The following COL9A1 variants were observed in gnomAD, a reference collection of about 807,000 sequenced individuals.
COL9A1 encodes the protein collagen alpha-1(IX) chain.
In COL9A1, 104 loss-of-function variants were observed where a neutral mutation model predicts 142.6. The ratio of observed to expected loss-of-function variants is 0.73; its 90% CI spans 0.62 to 0.86. COL9A1 has a LOEUF of 0.86. COL9A1 is among the 40% of genes least tolerant of loss of function. The pLI, the probability that COL9A1 is intolerant of heterozygous loss-of-function variation, is 0.00. For missense variants in COL9A1, 1,210 were observed against 1,176.6 expected, an observed-to-expected ratio of 1.03 and a Z score of -0.42; for synonymous variants, 466 against 396.0, an observed-to-expected ratio of 1.18 and a Z score of -2.10.
chr6:70,296,252 A>G lies in COL9A1; in HGVS notation c.300-1689T>C, dbSNP rs1773846030. ...TTTCATCATAGAAGTATTTTTTTTA[A>G]CCATTACTTTGTAATATGACTGGTT... is the stretch of plus-strand genomic sequence containing the variant. On this transcript the variant is annotated intron_variant, in intron 4 of 37. Coordinates refer to ENST00000357250, the MANE Select transcript of COL9A1 (RefSeq NM_001851.6). 2.0e-5 allele frequency among the ~76,000 whole-genome samples: 3 copies of G among 152,230 alleles called. No individual in the cohort carries two copies. In the South Asian group the frequency reaches 6.2e-4, roughly 32 times the overall value.
Position 70,232,686 on chromosome 6 carries a change from G to C in COL9A1, c.2400C>G (p.Pro800=). 1.2e-6 allele frequency: 2 copies of C among 1,614,030 alleles called. No homozygotes were observed. The highest frequency in any genetic ancestry group is 2.2e-5 in the East Asian group (1 of 44,884). The change falls in exon 36 of 38, where the codon CCC becomes CCG. Residue 800 remains proline, a synonymous_variant. Coordinates refer to ENST00000357250, the MANE Select transcript of COL9A1 (RefSeq NM_001851.6). The part of the protein sequence containing the change: ...GLPGRPGPPG[P]PGPPGENGFP... Reference sequence around the variant, plus strand: ...AACCATTCTCTCCAGGAGGGCCGGGGGGACCAGGAGGGCCAGGCCTTCCAG... The same window carrying C: ...AACCATTCTCTCCAGGAGGGCCGGGCGGACCAGGAGGGCCAGGCCTTCCAG...
chr6:70,215,527 G>A (rs952402462), downstream of COL9A1: 1 of 152,188 alleles, frequency 6.6e-6, no homozygotes, highest in Non-Finnish European at 1.5e-5. Flanking sequence ...GATATAAAAT[G>A]AATATATTAA....
rs1768535136 is a variant in COL9A1 at position 70,216,832 on chromosome 6, T to C, written c.*65A>G. On this transcript the variant is annotated 3_prime_UTR_variant, in exon 38 of 38. Transcript: ENST00000357250. Reference sequence around the variant, plus strand: ...TCATCTTTGCCCCAGCTTTGGATGGTGTTTCTCACCCAGGCTCCTTCACCA... The same window carrying C: ...TCATCTTTGCCCCAGCTTTGGATGGCGTTTCTCACCCAGGCTCCTTCACCA... The C allele has an allele frequency of 2.2e-5, 34 of 1,555,028 alleles. No individual in the cohort carries two copies. The highest frequency in any genetic ancestry group is 2.9e-5 in the Non-Finnish European group (33 of 1,129,204).
intron 5 of COL9A1, among the ~76,000 whole-genome samples, chr6:70,286,088 C>T (rs990922457): frequency 2.6e-5 from 4 of 152,112 alleles, no homozygotes; most frequent in Non-Finnish European, 5.9e-5. Flanking sequence ...GGGATTTCAC[C>T]ATGTTGGCCA....
At chr6:70,266,843 T>C in intron 17 of COL9A1, 73 bp from the exon 18 acceptor site, 1 of 1,239,380 alleles carries the variant, frequency 8.1e-7, no homozygotes, top group Non-Finnish European at 1.2e-6. Flanking sequence ...AAAGTGATCC[T>C]GCTTCCCTAA....
chr6:70,287,200 C>A (rs1002380932), intron 5 of COL9A1, among the ~76,000 whole-genome samples: 1 of 152,064 alleles, frequency 6.6e-6, no homozygotes, highest in Non-Finnish European at 1.5e-5. Context: ...GGGGTTACAA[C>A]AACAAGTCCC....
In COL9A1 at chr6:70,254,345, G is replaced by A. The variant is rs184712115; in HGVS notation, c.1719+131C>T. On this transcript the variant is annotated intron_variant, in intron 25 of 37. Coordinates refer to ENST00000357250, the MANE Select transcript of COL9A1 (RefSeq NM_001851.6). ...AAAATATAAAATACAAATGTAAATTGTAAAAATGTAAAAGTAAAACATCAT... is the reference window on the plus strand; with the variant it reads ...AAAATATAAAATACAAATGTAAATTATAAAAATGTAAAAGTAAAACATCAT... 1.3e-4 allele frequency: 99 copies of A among 745,340 alleles called. No individual in the cohort carries two copies. In the Admixed American group the frequency reaches 1.7e-3, roughly 13 times the overall value. 46.2% of individuals were successfully genotyped at this position (745,340 alleles called of 1,614,324 possible). A position where few individuals can be genotyped will look rare whatever the true frequency, so the allele number is the denominator to read the frequency against.
At chr6:70,298,515 T>C (rs1416237790) in intron 4 of COL9A1, among the ~76,000 whole-genome samples, 1 of 152,214 alleles carries the variant, frequency 6.6e-6, no homozygotes, top group African/African-American at 2.4e-5. Context: ...CAAGATTTTT[T>C]AGTCCTTATG....
At chr6:70,272,531 A>G (rs1772475177) in intron 12 of COL9A1, among the ~76,000 whole-genome samples, 1 of 152,164 alleles carries the variant, frequency 6.6e-6, no homozygotes, top group Non-Finnish European at 1.5e-5. Context: ...AACATTCAGC[A>G]CAGAGAGGCA....
chr6:70,251,406 G>T (rs568004616), intron 28 of COL9A1, among the ~76,000 whole-genome samples: 4 of 152,202 alleles, frequency 2.6e-5, no homozygotes, highest in South Asian at 2.1e-4. Context: ...AGTTAGCCAG[G>T]TGTGGTGATG....
intron 10 of COL9A1, chr6:70,279,962 AC>A (rs1447855671): frequency 1.5e-6 from 1 of 680,748 alleles, no homozygotes; most frequent in Admixed American, 2.0e-5. Context: ...CTAAGAACAG[AC>A]GCCATTTCTT....
intron 19 of COL9A1, among the ~76,000 whole-genome samples, chr6:70,262,936 A>G (rs1395640720): frequency 6.6e-6 from 1 of 152,244 alleles, no homozygotes; most frequent in African/African-American, 2.4e-5. Context: ...GATAGAACAT[A>G]AAAGATGAGT....
chr6:70,263,123 A>G, intron 19 of COL9A1, 121 bp downstream of exon 19: 1 of 734,294 alleles, frequency 1.4e-6, no homozygotes, highest in East Asian at 2.8e-5. Flanking sequence ...GGTGGAAAAT[A>G]GAGGACACCA....
intron 28 of COL9A1, chr6:70,245,809 G>T (rs1770564847): frequency 6.6e-6 from 1 of 152,116 alleles, no homozygotes; most frequent in South Asian, 2.1e-4. Context: ...ACAAAAATTA[G>T]CTTGGCGTGG....
chr6:70,225,808 C>T (rs1465711792), intron 37 of COL9A1, 124 bp downstream of exon 37: 1 of 768,744 alleles, frequency 1.3e-6, no homozygotes, highest in Admixed American at 1.9e-5. Context: ...CTATGCTAGC[C>T]ATTCTGAATA....
Position 70,299,766 on chromosome 6 carries a change from T to C in COL9A1, c.299+277A>G, listed in dbSNP as rs73747753. 9.4e-3 allele frequency among the ~76,000 whole-genome samples: 1,437 copies of C among 152,170 alleles called. 16 individuals carry two copies. Among genetic ancestry groups the C allele is most frequent in the African/African-American group, 0.033 (1,352 of 41,508 alleles). ...CTTTCAGTCAAAACCAGACAAATTA[T>C]AGAAAAACAGAAAGCAAGGTAATAA... On this transcript the variant is annotated intron_variant, in intron 4 of 37. Coordinates refer to ENST00000357250, the MANE Select transcript of COL9A1 (RefSeq NM_001851.6).
In COL9A1 at chr6:70,274,091, A is replaced by T; in HGVS notation, c.1030-9T>A. 6.3e-7 allele frequency: 1 copy of T among 1,588,118 alleles called. No homozygotes were observed. The highest frequency in any genetic ancestry group is 1.1e-5 in the South Asian group (1 of 87,246). ...GGCACACCAGGTTCTCCCTAAAAAT[A>T]AAAATAGTTTCATTGTACTGACCTT... On this transcript the variant is annotated splice_polypyrimidine_tract_variant and intron_variant, in intron 11 of 37. Coordinates refer to ENST00000357250, the MANE Select transcript of COL9A1 (RefSeq NM_001851.6).
intron 29 of COL9A1, 103 bp from the exon 30 acceptor site, chr6:70,242,138 C>G: frequency 1.0e-6 from 1 of 995,398 alleles, no homozygotes; most frequent in Non-Finnish European, 1.6e-6. Flanking sequence ...CTAAAATAAA[C>G]GTGCTGTGGT....
In COL9A1 at chr6:70,294,334, C is replaced by A; in HGVS notation, c.529G>T (p.Asp177Tyr). Residue 177 changes from aspartate to tyrosine, a missense_variant, in exon 5 of 38, where the codon GAT (aspartate) becomes TAT (tyrosine). Physicochemically the swap from Asp to Tyr is radical, Grantham distance 160. Coordinates refer to ENST00000357250, the MANE Select transcript of COL9A1 (RefSeq NM_001851.6). ...AAFSNLSSLF[D>Y]SQWHKIMIGV... ...ATCATGATCTTATGCCACTGGGAATCAAACAAGGAGGACAAATTCGAAAAG... is the reference window on the plus strand; with the variant it reads ...ATCATGATCTTATGCCACTGGGAATAAAACAAGGAGGACAAATTCGAAAAG... The A allele has an allele frequency of 6.2e-7, 1 of 1,614,018 alleles. No homozygotes were observed.
Sources: allele counts gnomAD v4.1 joint callset (sites outside exome capture counted in the v4.1 genomes callset), GRCh38; gene constraint gnomAD v4.1.1; transcripts MANE v1.5; gene names NCBI Gene and HGNC (gene_info 2026-07-23, HGNC 2026-07-21).